Variants in ZNF141 observed in about 807,000 individuals in gnomAD.
The protein encoded by ZNF141 is zinc finger protein 141 (clone pHZ-44).
ZNF141 carries 7 observed loss-of-function variants against 11.3 expected under a neutral mutation model. That is an observed-to-expected ratio of 0.62 (90% CI 0.35 to 1.16). The LOEUF (loss-of-function observed/expected upper bound fraction) is 1.16, where lower values mean the gene tolerates loss of function less well. ZNF141 is among the 50% of genes most tolerant of loss of function. The probability of loss-of-function intolerance (pLI) is 0.02; values close to 1 mark genes in which losing one functional copy is unlikely to be tolerated. For missense variants in ZNF141, 535 were observed against 554.0 expected (o/e 0.97, Z 0.34); for synonymous variants, 183 against 190.7 (o/e 0.96, Z 0.33).
rs547111465 is a variant in ZNF141, at chr4:358,821, G to A, written c.227-13843G>A. On this transcript the variant is annotated intron_variant, in intron 3 of 3. Transcript: ENST00000240499. ...GATCTCCTGACCTTGTGATCCATCC[G>A]CCTCGGCCTCCCAAAGTGCTGGGAT... Among the ~76,000 whole-genome samples, 227 of 152,186 alleles carry A rather than the reference G, an allele frequency of 1.5e-3. 3 individuals are homozygous for A. Among genetic ancestry groups the A allele is most frequent in the African/African-American group, 5.0e-3 (208 of 41,510 alleles).
intron 3 of ZNF141, among the ~76,000 whole-genome samples, chr4:350,985 A>G (rs1721569198): frequency 6.6e-6 from 1 of 150,754 alleles, no homozygotes. Context: ...TCCTGACCTC[A>G]TGATCCGTCC....
At chr4:355,632 A>G (rs1177369958) in intron 3 of ZNF141, among the ~76,000 whole-genome samples, 2 of 152,152 alleles carry the variant, frequency 1.3e-5, no homozygotes, top group Non-Finnish European at 2.9e-5. Flanking sequence ...TATTTCCTTA[A>G]ATCTACAGTA....
intron 3 of ZNF141, among the ~76,000 whole-genome samples, chr4:357,954 C>T (rs1168819290): frequency 6.6e-6 from 1 of 151,778 alleles, no homozygotes; most frequent in Admixed American, 6.6e-5. Flanking sequence ...TTCCTGACTT[C>T]GTGATTCGCC....
chr4:355,165 AT>A (rs1455570511), intron 3 of ZNF141, among the ~76,000 whole-genome samples: 1 of 151,264 alleles, frequency 6.6e-6, no homozygotes, highest in African/African-American at 2.4e-5. Flanking sequence ...TTAATGACGA[AT>A]TTTTTTCTTT....
chr4:373,066 G>A lies in ZNF141; in HGVS notation c.629G>A (p.Trp210Ter), dbSNP rs147483014. 5.0e-6 allele frequency: 8 copies of A among 1,612,316 alleles called. No individual in the cohort carries two copies. In the African/African-American group the frequency reaches 8.1e-5, roughly 16 times the overall value. Residue 210 changes from tryptophan (W) to a stop codon, truncating the protein, a stop_gained, in exon 4 of 4, where the codon TGG becomes TAG. Coordinates refer to ENST00000240499, the MANE Select transcript of ZNF141 (RefSeq NM_003441.4). LOFTEE classifies it low-confidence loss of function (END_TRUNC). The part of the protein sequence containing the change: ...TCEECGKAFK[W>*]SLIFNEHKRI... ...GAAGAATGTGGCAAAGCCTTTAAAT[G>A]GTCTTTAATATTTAATGAACATAAG...
Position 383,149 on chromosome 4 carries a change from C to T in ZNF141, c.*9287C>T. The T allele has an allele frequency of 1.4e-6, 1 of 701,778 alleles. No individual in the cohort carries two copies. Among genetic ancestry groups the T allele is most frequent in the Non-Finnish European group, 2.6e-6 (1 of 384,612 alleles). 43.5% of individuals were successfully genotyped at this position (701,778 alleles called of 1,614,324 possible). Reference sequence around the variant, plus strand: ...ATTTTAGCTTTCTGGAGAATAGCATCTGAGAAAAGCCAAAGTGCCTCAGTT... The same window carrying T: ...ATTTTAGCTTTCTGGAGAATAGCATTTGAGAAAAGCCAAAGTGCCTCAGTT... On this transcript the variant is annotated 3_prime_UTR_variant, in exon 4 of 4. Transcript: ENST00000240499.
chr4:353,451 A>T (rs1471734940), intron 3 of ZNF141, among the ~76,000 whole-genome samples: 6 of 140,286 alleles, frequency 4.3e-5, no homozygotes, highest in East Asian at 2.0e-4. Context: ...TTATTAATTT[A>T]TTATTATTAT....
intron 3 of ZNF141, among the ~76,000 whole-genome samples, chr4:367,608 C>T (rs1711810512): frequency 6.6e-6 from 1 of 151,354 alleles, no homozygotes; most frequent in South Asian, 2.1e-4. Flanking sequence ...CCTCTGCCTC[C>T]CAGGTTCAAG....
chr4:356,715 T>A (rs1426016610), intron 3 of ZNF141, among the ~76,000 whole-genome samples: 6 of 152,206 alleles, frequency 3.9e-5, no homozygotes, highest in African/African-American at 1.4e-4. Flanking sequence ...GCTAAATCTT[T>A]CTATATTTAA....
chr4:357,207 A>C (rs1581603621), intron 3 of ZNF141, among the ~76,000 whole-genome samples: 1 of 151,454 alleles, frequency 6.6e-6, no homozygotes, highest in Non-Finnish European at 1.5e-5. Flanking sequence ...ACTTGATTTG[A>C]CCTCCCAATG....
chr4:349,739 A>G (rs75337215), intron 3 of ZNF141, among the ~76,000 whole-genome samples: 25,051 of 151,924 alleles, frequency 0.16, 2,758 homozygotes, highest in African/African-American at 0.32. Context: ...GCCTTTGATG[A>G]TTGTATTACC....
intron 3 of ZNF141, among the ~76,000 whole-genome samples, chr4:369,737 G>C (rs9999593): frequency 2.4e-5 from 2 of 85,088 alleles, no homozygotes; most frequent in East Asian, 3.0e-4. Flanking sequence ...TTCTTAAAGA[G>C]ATATATATAT....
chr4:343,395 C>T (rs548428871), intron 1 of ZNF141, among the ~76,000 whole-genome samples: 22 of 152,250 alleles, frequency 1.4e-4, no homozygotes, highest in Middle Eastern at 6.8e-3. Context: ...TCAGAACTAG[C>T]GCTCTCAACT....
chr4:369,750 ATATATATATATATATTTTTTT>A (rs1711941333), intron 3 of ZNF141, among the ~76,000 whole-genome samples: 3 of 35,194 alleles, frequency 8.5e-5, no homozygotes, highest in Non-Finnish European at 1.6e-4. Flanking sequence ...ATATATATAT[ATATATATATATATATTTTTTT>A]TTTTTTTTTT....
chr4:351,906 G>A (rs1388610858), intron 3 of ZNF141, among the ~76,000 whole-genome samples: 1 of 152,192 alleles, frequency 6.6e-6, no homozygotes, highest in African/African-American at 2.4e-5. Flanking sequence ...CTGAGAGGGT[G>A]TAATTGTTAT....
rs782564513 is a variant in ZNF141 at position 379,495 on chromosome 4, C to G, written c.*5633C>G. On this transcript the variant is annotated 3_prime_UTR_variant, in exon 4 of 4. Coordinates refer to ENST00000240499, the MANE Select transcript of ZNF141 (RefSeq NM_003441.4). ...GTTCAGGCGATTCTCCTGCCTCAGC[C>G]TCCTTATTAGCTGGCATTACAGGTG... is the stretch of plus-strand genomic sequence containing the variant. Among the ~76,000 whole-genome samples the G allele has an allele frequency of 6.6e-6, 1 of 152,204 alleles. No homozygotes were observed. Among genetic ancestry groups the G allele is most frequent in the Non-Finnish European group, 1.5e-5 (1 of 68,042 alleles).
chr4:350,098 C>T (rs534595352), intron 3 of ZNF141: 12 of 522,998 alleles, frequency 2.3e-5, no homozygotes, highest in Admixed American at 1.2e-4. Context: ...ATGGGAAGGA[C>T]CACGTCTGGA....
intron 3 of ZNF141, among the ~76,000 whole-genome samples, chr4:370,687 T>G (rs1439309266): frequency 6.6e-6 from 1 of 152,198 alleles, no homozygotes; most frequent in East Asian, 1.9e-4. Context: ...TATTATGTGC[T>G]TTGTTATAAA....
chr4:356,230 CAAA>C (rs111839333), intron 3 of ZNF141, among the ~76,000 whole-genome samples: 11 of 116,372 alleles, frequency 9.5e-5, no homozygotes, highest in Non-Finnish European at 9.2e-5. Context: ...GGCTCCGTCT[CAAA>C]AAAAAAAAAA....
Sources: allele counts gnomAD v4.1 joint callset (sites outside exome capture counted in the v4.1 genomes callset), GRCh38; gene constraint gnomAD v4.1.1; transcripts MANE v1.5; gene names NCBI Gene and HGNC (gene_info 2026-07-23, HGNC 2026-07-21).